The following KLHL8 variants were observed in gnomAD, a reference collection of about 807,000 sequenced individuals.
The protein encoded by KLHL8 is kelch-like protein 8.
In KLHL8, 38 loss-of-function variants were observed where a neutral mutation model predicts 63.5. The observed-to-expected ratio is 0.60, with a 90% confidence interval of 0.46 to 0.78. KLHL8 has a LOEUF of 0.78. Ranked by LOEUF, KLHL8 falls within the 30% of genes least tolerant of loss-of-function variation. KLHL8 has a pLI of 0.00. For synonymous variants in KLHL8, 224 were observed against 254.3 expected (o/e 0.88, Z 1.13); for missense variants, 566 against 752.4 (o/e 0.75, Z 2.90).
chr4:87,165,027 T>C (rs1429834595), intron 8 of KLHL8, among the ~76,000 whole-genome samples: 1 of 151,592 alleles, frequency 6.6e-6, no homozygotes, highest in East Asian at 1.9e-4. Context: ...CGGGCGCCTG[T>C]AGTCCCAGCT....
intron 3 of KLHL8, among the ~76,000 whole-genome samples, chr4:87,184,034 G>GCA (rs1190330118): frequency 1.3e-5 from 2 of 152,132 alleles, no homozygotes; most frequent in East Asian, 1.9e-4. Context: ...TGAGTTAAAA[G>GCA]CACACACACA....
rs560966174 is a variant in KLHL8, at chr4:87,197,109, T to A, written c.-151-1419A>T. 2.6e-5 allele frequency among the ~76,000 whole-genome samples: 4 copies of A among 152,342 alleles called. No homozygotes were observed. The East Asian group carries it at 7.7e-4, about 29-fold the overall frequency. On this transcript the variant is annotated intron_variant, in intron 1 of 9. Transcript: ENST00000273963. ...GTTATAGATTACAGTTATTAATGCC[T>A]TCTTATGGTTTCTGTGGCAGACATA...
chr4:87,167,256 G>C (rs1730439509), intron 8 of KLHL8: 2 of 494,418 alleles, frequency 4.0e-6, no homozygotes, highest in South Asian at 3.5e-5. Flanking sequence ...TGTCATCCCA[G>C]GACAGGACCC....
chr4:87,182,588 C>G (rs1260523567), intron 4 of KLHL8, among the ~76,000 whole-genome samples: 1 of 151,922 alleles, frequency 6.6e-6, no homozygotes, highest in African/African-American at 2.4e-5. Flanking sequence ...AAAAGTGATA[C>G]TTCTTATAGC....
intron 1 of KLHL8, among the ~76,000 whole-genome samples, chr4:87,210,332 T>C (rs1732353807): frequency 6.6e-6 from 1 of 152,008 alleles, no homozygotes; most frequent in Admixed American, 6.6e-5. Context: ...CACAAAAAAC[T>C]TAGCCAGGCA....
chr4:87,235,992 A>T (rs185995679), intron 1 of KLHL8, among the ~76,000 whole-genome samples: 1 of 152,296 alleles, frequency 6.6e-6, no homozygotes, highest in Non-Finnish European at 1.5e-5. Flanking sequence ...TTGGTAAAAC[A>T]GCAGTAGTGA....
intron 2 of KLHL8, among the ~76,000 whole-genome samples, chr4:87,186,967 T>A (rs1212800606): frequency 7.4e-6 from 1 of 134,850 alleles, no homozygotes; most frequent in Non-Finnish European, 1.5e-5. Context: ...ATAGCTCACA[T>A]AAAAGCAGTA....
chr4:87,184,180 T>C (rs1284451709), intron 3 of KLHL8, among the ~76,000 whole-genome samples: 2 of 152,208 alleles, frequency 1.3e-5, no homozygotes, highest in Non-Finnish European at 2.9e-5. Context: ...ACAAATAAGA[T>C]ATAGCTGCAA....
At chr4:87,190,766 C>T (rs1731452269) in intron 2 of KLHL8, among the ~76,000 whole-genome samples, 2 of 152,086 alleles carry the variant, frequency 1.3e-5, no homozygotes. Flanking sequence ...AGTTCAAGAT[C>T]AAGGCACTGG....
At chr4:87,175,004 AAC>A (rs1730770601) in intron 6 of KLHL8, among the ~76,000 whole-genome samples, 1 of 152,236 alleles carries the variant, frequency 6.6e-6, no homozygotes, top group African/African-American at 2.4e-5. Flanking sequence ...TTTTGTAGAT[AAC>A]ATGGTTTTCA....
chr4:87,183,090 T>C, intron 4 of KLHL8, 113 bp downstream of exon 4: 1 of 660,378 alleles, frequency 1.5e-6, no homozygotes, highest in Non-Finnish European at 2.5e-6. Flanking sequence ...TGCCAATTAT[T>C]ACTTTAAGGC....
At chr4:87,211,414 G>A (rs1223474387) in intron 1 of KLHL8, among the ~76,000 whole-genome samples, 2 of 152,228 alleles carry the variant, frequency 1.3e-5, no homozygotes, top group South Asian at 4.1e-4. Flanking sequence ...GAATCTGCTG[G>A]TTTGAAAAAC....
At chr4:87,187,636 A>G (rs1731318974) in intron 2 of KLHL8, among the ~76,000 whole-genome samples, 1 of 151,900 alleles carries the variant, frequency 6.6e-6, no homozygotes, top group South Asian at 2.1e-4. Flanking sequence ...TGTTTTAGGT[A>G]CCTGCTAGAA....
At chr4:87,227,094 T>C (rs981755278) in intron 1 of KLHL8, among the ~76,000 whole-genome samples, 1 of 144,238 alleles carries the variant, frequency 6.9e-6, no homozygotes, top group Non-Finnish European at 1.5e-5. Flanking sequence ...TATTTTTTGA[T>C]ATGAAAATAA....
intron 1 of KLHL8, among the ~76,000 whole-genome samples, chr4:87,228,541 A>T (rs1377090632): frequency 6.6e-6 from 1 of 152,236 alleles, no homozygotes; most frequent in Non-Finnish European, 1.5e-5. Flanking sequence ...TGAGAAAAGG[A>T]TAATATTTGC....
At chr4:87,226,568 GCTCT>G (rs1226100384) in intron 1 of KLHL8, among the ~76,000 whole-genome samples, 11 of 92,446 alleles carry the variant, frequency 1.2e-4, no homozygotes, top group African/African-American at 4.7e-4. Context: ...TCTCTCTCTC[GCTCT>G]CTCTCTCTCT....
chr4:87,222,034 A>G (rs190613299), upstream of KLHL8, among the ~76,000 whole-genome samples: 272 of 152,220 alleles, frequency 1.8e-3, 1 homozygote, highest in African/African-American at 6.2e-3. Flanking sequence ...TACCTTCCCC[A>G]TTACCCCTCC....
chr4:87,192,147 T>C (rs528765663), intron 2 of KLHL8, among the ~76,000 whole-genome samples: 3 of 152,308 alleles, frequency 2.0e-5, no homozygotes, highest in Admixed American at 6.5e-5. Flanking sequence ...GATTGCTGGG[T>C]TGAATGGTAG....
chr4:87,203,237 C>G (rs1022424192), intron 1 of KLHL8, among the ~76,000 whole-genome samples: 4 of 151,814 alleles, frequency 2.6e-5, no homozygotes, highest in Non-Finnish European at 5.9e-5. Context: ...AGCAAGGTCA[C>G]TAAAAACAAG....
Sources: allele counts gnomAD v4.1 joint callset (sites outside exome capture counted in the v4.1 genomes callset), GRCh38; gene constraint gnomAD v4.1.1; transcripts MANE v1.5; gene names NCBI Gene and HGNC (gene_info 2026-07-23, HGNC 2026-07-21).